Variants in PLEKHA7 observed in about 807,000 individuals in gnomAD.
The protein encoded by PLEKHA7 is pleckstrin homology domain containing A7.
In PLEKHA7, 104 loss-of-function variants were observed where a neutral mutation model predicts 170.0. The ratio of observed to expected loss-of-function variants is 0.61; its 90% CI spans 0.52 to 0.72. PLEKHA7 has a LOEUF of 0.72. Ranked by LOEUF, PLEKHA7 falls within the 30% of genes least tolerant of loss-of-function variation. The probability of loss-of-function intolerance (pLI) is 0.00; values close to 1 mark genes in which losing one functional copy is unlikely to be tolerated. For synonymous variants in PLEKHA7, 648 were observed against 660.8 expected, an observed-to-expected ratio of 0.98 and a Z score of 0.30; for missense variants, 1,615 against 1,671.7, an observed-to-expected ratio of 0.97 and a Z score of 0.59.
At chr11:16,786,879 G>C in intron 23 of PLEKHA7, 7 of 985,200 alleles carry the variant, frequency 7.1e-6, no homozygotes, top group Non-Finnish European at 8.4e-6. Flanking sequence ...TTCGTAGGTG[G>C]GGGATCTCGC....
intron 3 of PLEKHA7, among the ~76,000 whole-genome samples, chr11:16,936,226 CCT>C (rs1299465849): frequency 2.6e-5 from 4 of 151,486 alleles, no homozygotes; most frequent in African/African-American, 9.7e-5. Flanking sequence ...ATAGTGAAAC[CCT>C]GTCTCTACTA....
At chr11:16,935,268 C>A (rs118138471) in intron 3 of PLEKHA7, among the ~76,000 whole-genome samples, 3,336 of 152,188 alleles carry the variant, frequency 0.022, 48 homozygotes, top group Non-Finnish European at 0.032. Flanking sequence ...CACCCCGTCT[C>A]CACAAAAATA....
intron 3 of PLEKHA7, among the ~76,000 whole-genome samples, chr11:16,966,290 A>ATGTGTGTGTGTGTG (rs112176840): frequency 1.3e-5 from 2 of 149,026 alleles, no homozygotes; most frequent in African/African-American, 2.5e-5. Flanking sequence ...TTGTGCATGT[A>ATGTGTGTGTGTGTG]TGTGTGTGTG....
In PLEKHA7 at chr11:16,855,879, T is replaced by C; in HGVS notation, c.341A>G (p.Gln114Arg). The C allele has an allele frequency of 6.2e-7, 1 of 1,614,140 alleles. No individual in the cohort carries two copies. Among genetic ancestry groups the C allele is most frequent in the Admixed American group, 1.7e-5 (1 of 60,020 alleles). ...TTCACTGACCATGCTGGACGGTCTT[T>C]GGTTTCTGTCTTGCTTCGACATATG... The part of the protein sequence containing the change: ...NPHMSKQDRN[Q>R]RPSSMVSETS... Residue 114 changes from glutamine to arginine, a missense_variant, in exon 5 of 27, where the codon CAA becomes CGA. Physicochemically the swap from Gln to Arg is conservative, Grantham distance 43 (BLOSUM62 1). Coordinates refer to ENST00000531066, the MANE Select transcript of PLEKHA7 (RefSeq NM_001329630.2).
At chr11:17,002,088 A>G (rs1442572246) in intron 3 of PLEKHA7, among the ~76,000 whole-genome samples, 1 of 152,186 alleles carries the variant, frequency 6.6e-6, no homozygotes, top group African/African-American at 2.4e-5. Flanking sequence ...AGCACCAGCG[A>G]CTGGCTCACA....
In PLEKHA7 at chr11:16,881,073, T is replaced by C. The variant is rs577352652; in HGVS notation, c.222-9891A>G. 7.2e-5 allele frequency among the ~76,000 whole-genome samples: 11 copies of C among 152,358 alleles called. No individual in the cohort carries two copies. In the South Asian group the frequency reaches 2.3e-3, roughly 32 times the overall value. Reference sequence around the variant, plus strand: ...AACATCAGGGAGGTGTAGTTAATGATACTTATGTCTTATTTATGCCCAATT... The same window carrying C: ...AACATCAGGGAGGTGTAGTTAATGACACTTATGTCTTATTTATGCCCAATT... On this transcript the variant is annotated intron_variant, in intron 3 of 26. Transcript: ENST00000531066.
chr11:16,855,719 G>T, intron 5 of PLEKHA7, 84 bp downstream of exon 5: 1 of 1,022,830 alleles, frequency 9.8e-7, no homozygotes, highest in South Asian at 1.5e-5. Context: ...AAACTATAGT[G>T]AAGATCAAAT....
intron 3 of PLEKHA7, among the ~76,000 whole-genome samples, chr11:16,933,655 T>G (rs1473348149): frequency 6.6e-6 from 1 of 152,172 alleles, no homozygotes; most frequent in Non-Finnish European, 1.5e-5. Context: ...TCAAGAACTC[T>G]ATTTTGGACA....
At chr11:16,780,403 A>G (rs1848934346) in intron 26 of PLEKHA7, among the ~76,000 whole-genome samples, 1 of 152,174 alleles carries the variant, frequency 6.6e-6, no homozygotes, top group Admixed American at 6.5e-5. Context: ...CTCCCTCTTA[A>G]AGTGCCCAGT....
chr11:16,789,514 A>G lies in PLEKHA7; in HGVS notation c.3157-218T>C, dbSNP rs1849645537. 1.6e-6 allele frequency: 1 copy of G among 621,192 alleles called. No homozygotes were observed. The highest frequency in any genetic ancestry group is 1.8e-5 in the African/African-American group (1 of 54,422). 38.5% of individuals were successfully genotyped at this position (621,192 alleles called of 1,614,324 possible). A position where few individuals can be genotyped will look rare whatever the true frequency, so the allele number is the denominator to read the frequency against. Reference sequence around the variant, plus strand: ...TAGCACCCATTCTGCAGATGCAGACACTTAGGCTCAGGCCTGTCCAGTGAG... The same window carrying G: ...TAGCACCCATTCTGCAGATGCAGACGCTTAGGCTCAGGCCTGTCCAGTGAG... On this transcript the variant is annotated intron_variant, in intron 22 of 26. Coordinates refer to ENST00000531066, the MANE Select transcript of PLEKHA7 (RefSeq NM_001329630.2). The surrounding 1 kb of genome is among the most constrained non-coding windows in gnomAD (Gnocchi z 4.6).
At chr11:16,930,759 C>T (rs1385381370) in intron 3 of PLEKHA7, among the ~76,000 whole-genome samples, 1 of 152,158 alleles carries the variant, frequency 6.6e-6, no homozygotes, top group Non-Finnish European at 1.5e-5. Context: ...ACATTAAACG[C>T]TGGGAATTTT....
chr11:16,982,838 G>GAC (rs1029764805), intron 3 of PLEKHA7, among the ~76,000 whole-genome samples: 36 of 151,866 alleles, frequency 2.4e-4, no homozygotes, highest in African/African-American at 8.2e-4. Context: ...GAGAGGGAGA[G>GAC]AGAGAGAGAG....
At chr11:16,994,307 T>C (rs1864213949) in intron 3 of PLEKHA7, among the ~76,000 whole-genome samples, 1 of 151,930 alleles carries the variant, frequency 6.6e-6, no homozygotes, top group Non-Finnish European at 1.5e-5. Context: ...CTACCTGGAG[T>C]TGCAGTTCCA....
chr11:16,925,948 C>T (rs1341496925), intron 3 of PLEKHA7, among the ~76,000 whole-genome samples: 1 of 152,216 alleles, frequency 6.6e-6, no homozygotes. Context: ...GCAGGACCTG[C>T]GGCCTCAGAA....
chr11:16,938,617 T>A (rs766793012), intron 3 of PLEKHA7, among the ~76,000 whole-genome samples: 1 of 152,172 alleles, frequency 6.6e-6, no homozygotes, highest in African/African-American at 2.4e-5. Context: ...AGACCATACA[T>A]CATGATTTTT....
chr11:16,917,727 T>C (rs1395768062), intron 3 of PLEKHA7, among the ~76,000 whole-genome samples: 2 of 152,234 alleles, frequency 1.3e-5, no homozygotes, highest in African/African-American at 4.8e-5. Context: ...TAAGGTAACA[T>C]ATTCACAGGT....
chr11:16,833,363 C>T (rs543862828), intron 9 of PLEKHA7, among the ~76,000 whole-genome samples: 75 of 152,268 alleles, frequency 4.9e-4, no homozygotes, highest in African/African-American at 1.7e-3. Flanking sequence ...ATTGACAAAC[C>T]AGACTAAGAA....
chr11:16,852,417 A>G, intron 6 of PLEKHA7, 62 bp from the exon 7 acceptor site: 1 of 1,430,610 alleles, frequency 7.0e-7, no homozygotes, highest in Non-Finnish European at 9.7e-7. Context: ...CTTTCCAAGC[A>G]TGCACAACCT....
intron 4 of PLEKHA7, among the ~76,000 whole-genome samples, chr11:16,859,948 G>C (rs969763919): frequency 5.9e-5 from 9 of 152,200 alleles, no homozygotes; most frequent in African/African-American, 1.9e-4. Flanking sequence ...CTGTGTTATC[G>C]GAAATCCCAA....
Sources: gnomAD v4.1 joint callset for allele counts (sites outside exome capture counted in the v4.1 genomes callset) on GRCh38, gnomAD v4.1.1 for gene constraint, Gnocchi (gnomAD v3.1) non-coding constraint, MANE v1.5 for transcripts, NCBI Gene and HGNC (gene_info 2026-07-23, HGNC 2026-07-21) for gene names.